Variants in TJP1 observed in about 807,000 individuals in gnomAD.
TJP1 encodes the protein tight junction protein ZO-1.
Under a neutral mutation model 194.2 loss-of-function variants are expected in TJP1, and 43 were observed. The ratio of observed to expected loss-of-function variants is 0.22; its 90% CI spans 0.17 to 0.29. TJP1 has a LOEUF of 0.29. Ranked by LOEUF, TJP1 falls within the 10% of genes least tolerant of loss-of-function variation. The probability of loss-of-function intolerance (pLI) is 1.00; values close to 1 mark genes in which losing one functional copy is unlikely to be tolerated. For missense variants in TJP1, 1,971 were observed against 2,185.7 expected (o/e 0.90, Z 1.96); for synonymous variants, 801 against 779.0 (o/e 1.03, Z -0.47).
intron 2 of TJP1, among the ~76,000 whole-genome samples, chr15:29,849,000 C>T (rs1445421376): frequency 2.0e-5 from 3 of 151,824 alleles, no homozygotes; most frequent in Admixed American, 6.6e-5. Context: ...AACTTGCTGA[C>T]ATATCATCAG....
intron 11 of TJP1, among the ~76,000 whole-genome samples, chr15:29,735,967 G>A (rs1057133426): frequency 6.6e-6 from 1 of 152,162 alleles, no homozygotes; most frequent in African/African-American, 2.4e-5. Flanking sequence ...GAAAGAGGCA[G>A]TGTAGCAAGA....
intron 2 of TJP1, among the ~76,000 whole-genome samples, chr15:29,787,401 A>C (rs902476962): frequency 2.6e-5 from 4 of 152,236 alleles, no homozygotes; most frequent in African/African-American, 9.6e-5. Flanking sequence ...AGCTTACTGA[A>C]TATGATGTCA....
chr15:29,732,286 G>C (rs574873957), intron 15 of TJP1, 147 bp downstream of exon 15: 2 of 681,654 alleles, frequency 2.9e-6, no homozygotes, highest in Non-Finnish European at 4.9e-6. Flanking sequence ...GGTCACTGGG[G>C]TTTTCTCACC....
chr15:29,911,315 G>A lies in TJP1; in HGVS notation c.306+44917C>T, dbSNP rs575966346. Among the ~76,000 whole-genome samples the A allele has an allele frequency of 4.1e-4, 62 of 152,248 alleles. 4 individuals are homozygous for A. The highest frequency in any genetic ancestry group is 1.2e-3 in the African/African-American group (50 of 41,530). On this transcript the variant is annotated intron_variant, in intron 2 of 28. Transcript: ENST00000356107. Reference sequence around the variant, plus strand: ...TTCTAGAATGACTATCTCAAGAACCGGGCAAGGCATAATGGAACCCATTAG... The same window carrying A: ...TTCTAGAATGACTATCTCAAGAACCAGGCAAGGCATAATGGAACCCATTAG...
intron 4 of TJP1, among the ~76,000 whole-genome samples, chr15:29,768,304 A>G (rs2046444128): frequency 6.6e-6 from 1 of 152,222 alleles, no homozygotes; most frequent in Non-Finnish European, 1.5e-5. Context: ...CTCCTATTGG[A>G]GCAACCCACA....
intron 19 of TJP1, 47 bp downstream of exon 19, chr15:29,720,311 T>C: frequency 6.9e-7 from 1 of 1,442,656 alleles, no homozygotes; most frequent in African/African-American, 1.4e-5. Flanking sequence ...ATTCTAAAAT[T>C]TAATAATGCA....
intron 2 of TJP1, among the ~76,000 whole-genome samples, chr15:29,943,731 C>T (rs1269840733): frequency 6.9e-6 from 1 of 144,560 alleles, no homozygotes; most frequent in African/African-American, 2.6e-5. Flanking sequence ...GGCAGATCAT[C>T]TGAGGTCAGG....
At chr15:29,815,940 G>C (rs1302961099) in intron 1 of TJP1, among the ~76,000 whole-genome samples, 1 of 152,076 alleles carries the variant, frequency 6.6e-6, no homozygotes, top group Non-Finnish European at 1.5e-5. Context: ...CAAACGGGAA[G>C]CAGTACTACA....
chr15:29,928,728 G>A (rs926254931), intron 2 of TJP1, among the ~76,000 whole-genome samples: 8 of 152,158 alleles, frequency 5.3e-5, no homozygotes, highest in Non-Finnish European at 1.5e-5. Context: ...CAGATCACGA[G>A]GTCAGGAGAT....
chr15:29,731,741 G>C (rs1225350029), intron 15 of TJP1, among the ~76,000 whole-genome samples: 4 of 151,612 alleles, frequency 2.6e-5, no homozygotes, highest in African/African-American at 4.8e-5. Flanking sequence ...CCCATGTCCT[G>C]CCTGAAATAC....
Position 29,708,779 on chromosome 15 carries a change from CA to C in TJP1, c.4629del (p.Phe1543LeufsTer33). The part of the protein sequence containing the change: ...TSSARPFERK[F>X]ESPKFNHNLL... Reference sequence around the variant, plus strand: ...AGATTGTGATTGAATTTAGGACTTTCAAACTTGCGTTCAAATGGTCGGGCAG... The same window carrying C: ...AGATTGTGATTGAATTTAGGACTTTCAACTTGCGTTCAAATGGTCGGGCAG... On this transcript the variant is annotated frameshift_variant, in exon 25 of 28. Transcript: ENST00000614355. LOFTEE classifies it high-confidence loss of function. 6.2e-7 allele frequency: 1 copy of C among 1,614,196 alleles called. No individual in the cohort carries two copies. Among genetic ancestry groups the C allele is most frequent in the East Asian group, 2.2e-5 (1 of 44,884 alleles).
chr15:29,822,505 C>A (rs1259069318), upstream of TJP1: 1 of 984,556 alleles, frequency 1.0e-6, no homozygotes, highest in Non-Finnish European at 1.2e-6. Flanking sequence ...GCATGCCCGG[C>A]CCGGCGGGGG....
chr15:29,749,274 C>CT (rs2045075210), intron 8 of TJP1, among the ~76,000 whole-genome samples: 1 of 152,024 alleles, frequency 6.6e-6, no homozygotes, highest in South Asian at 2.1e-4. Flanking sequence ...AAAGGAGTCT[C>CT]TGAGAGAGAT....
At position 29,701,689 on chromosome 15, in the gene TJP1, C is replaced by T; in HGVS notation, c.5213G>A (p.Gly1738Asp). 1 of 1,612,890 alleles carries T rather than the reference C, an allele frequency of 6.2e-7. No individual in the cohort carries two copies. Among genetic ancestry groups the T allele is most frequent in the Non-Finnish European group, 8.5e-7 (1 of 1,179,002 alleles). The change falls in exon 28 of 28, where the codon GGT (glycine) becomes GAT (aspartate). Residue 1738 changes from glycine (G) to aspartate (D), a missense_variant and splice_region_variant. Physicochemically the swap from Gly to Asp is moderately conservative, Grantham distance 94. Around this residue, in one of 5 missense-constraint regions of TJP1, gnomAD observed 1,108 missense variants for 1,128.5 expected, o/e 0.98. Coordinates refer to ENST00000614355, the MANE Select transcript of TJP1 (RefSeq NM_001330239.4). The part of the protein sequence containing the change: ...FALKSSDSSS[G>D]DPKTWQNKCL... Reference sequence around the variant, plus strand: ...CTTGTTTTGCCAGGTTTTAGGATCACCTATGAGAGAAAAGAAGTTGATGTC... The same window carrying T: ...CTTGTTTTGCCAGGTTTTAGGATCATCTATGAGAGAAAAGAAGTTGATGTC...
At chr15:29,968,393 G>C (rs1393004683) in intron 1 of TJP1, 5 of 985,188 alleles carry the variant, frequency 5.1e-6, no homozygotes, top group East Asian at 1.1e-4. Flanking sequence ...GGTGCCAGGC[G>C]TCCCGGCCGC....
intron 2 of TJP1, among the ~76,000 whole-genome samples, chr15:29,903,458 T>G (rs531514671): frequency 6.6e-6 from 1 of 152,282 alleles, no homozygotes; most frequent in Admixed American, 6.5e-5. Context: ...AATCTTTTTT[T>G]TTTTGAGATG....
intron 2 of TJP1, among the ~76,000 whole-genome samples, chr15:29,885,330 T>G (rs1327830684): frequency 6.6e-6 from 1 of 152,204 alleles, no homozygotes; most frequent in Non-Finnish European, 1.5e-5. Context: ...AAGCCAGTGT[T>G]CCTACCACTG....
intron 1 of TJP1, among the ~76,000 whole-genome samples, chr15:29,959,694 C>G (rs1487659766): frequency 1.3e-5 from 2 of 152,174 alleles, no homozygotes; most frequent in African/African-American, 4.8e-5. Context: ...AGTTACATTT[C>G]AAAGAGTCCT....
intron 1 of TJP1, among the ~76,000 whole-genome samples, chr15:29,959,203 A>G (rs2056066256): frequency 6.6e-6 from 1 of 151,194 alleles, no homozygotes; most frequent in South Asian, 2.1e-4. Flanking sequence ...GTTAGCCAGG[A>G]TGGTCTCCAT....
Sources: allele counts gnomAD v4.1 joint callset (sites outside exome capture counted in the v4.1 genomes callset), GRCh38; gene constraint gnomAD v4.1.1; regional missense constraint gnomAD v4.1.1; transcripts MANE v1.5; gene names NCBI Gene and HGNC (gene_info 2026-07-23, HGNC 2026-07-21).